DBN1: variants seen among roughly 807,000 people sequenced by gnomAD.
DBN1 encodes the protein drebrin 1.
Under a neutral mutation model 83.5 loss-of-function variants are expected in DBN1, and 21 were observed. That is an observed-to-expected ratio of 0.25 (90% CI 0.18 to 0.36). The LOEUF (loss-of-function observed/expected upper bound fraction) is 0.36. Among genes scored for constraint, DBN1 ranks in the 10% least tolerant of loss-of-function variants. DBN1 has a pLI of 1.00. For synonymous variants in DBN1, 381 were observed against 384.9 expected (o/e 0.99, Z 0.12); for missense variants, 874 against 935.7 (o/e 0.93, Z 0.86).
Position 177,466,844 on chromosome 5 carries a change from A to G in DBN1, c.708-9T>C. The stretch of plus-strand genomic sequence containing the variant: ...AAGTCTGCTGTTTCCTCCTGGAACG[A>G]TAAGCAGCCAGCACCCGTCAGGGTG... On this transcript the variant is annotated splice_polypyrimidine_tract_variant and intron_variant, in intron 7 of 14. Transcript: ENST00000393565. The surrounding 1 kb of genome is among the most constrained non-coding windows in gnomAD (Gnocchi z 4.8). 1 of 1,614,074 alleles carries G rather than the reference A, an allele frequency of 6.2e-7. No homozygotes were observed. The highest frequency in any genetic ancestry group is 1.1e-5 in the South Asian group (1 of 91,084).
At chr5:177,472,081 T>A in intron 1 of DBN1, 1 of 1,588,230 alleles carries the variant, frequency 6.3e-7, no homozygotes, top group East Asian at 2.3e-5. Context: ...GTGGGCCGCC[T>A]GCCTGCTGAG....
rs1323546576 is a variant in DBN1, at chr5:177,466,350, G to C, written c.771+422C>G. Among the ~76,000 whole-genome samples the C allele has an allele frequency of 1.3e-5, 2 of 152,244 alleles. No individual in the cohort carries two copies. Among genetic ancestry groups the C allele is most frequent in the African/African-American group, 4.8e-5 (2 of 41,466 alleles). On this transcript the variant is annotated intron_variant, in intron 8 of 14. Transcript: ENST00000393565. This position sits in a 1 kb window ranked among gnomAD's most constrained non-coding sequence, Gnocchi z 4.8. ...CCCTGGAACAAAGGGGCTGCTCCCA[G>C]GGAGATGCTGCTCCCAAGGAGATGG...
rs1213919161 is a variant in DBN1, at chr5:177,466,174, T to C, written c.771+598A>G. ...CAGATGAGTATCAACCCACCTCCCT[T>C]CCTGAACTGAGCCATGCTCAGTCCT... On this transcript the variant is annotated intron_variant, in intron 8 of 14. Transcript: ENST00000393565. The surrounding 1 kb of genome is among the most constrained non-coding windows in gnomAD (Gnocchi z 4.8). Among the ~76,000 whole-genome samples the C allele has an allele frequency of 1.3e-5, 2 of 152,172 alleles. No individual in the cohort carries two copies. The highest frequency in any genetic ancestry group is 2.9e-5 in the Non-Finnish European group (2 of 68,018).
In DBN1 at chr5:177,458,676, A is replaced by G; in HGVS notation, c.1296T>C (p.Ser432=). ...ETQEPSPILD[S]EETRAAAPQA... is the part of the protein sequence containing the mutation. ...GAGGGGCTGCTGCTCTGGTCTCCTC[A>G]CTGTCTAGGATGGGGCTGGGCTCCT... Residue 432 remains serine, a synonymous_variant, in exon 13 of 15, where the codon AGT becomes AGC. Coordinates refer to ENST00000393565, the MANE Select transcript of DBN1 (RefSeq NM_001363541.2). The G allele has an allele frequency of 6.4e-7, 1 of 1,560,792 alleles. No homozygotes were observed. Among genetic ancestry groups the G allele is most frequent in the Non-Finnish European group, 8.6e-7 (1 of 1,157,298 alleles).
rs1484137641 is a variant in DBN1, at chr5:177,458,384, C to G, written c.1588G>C (p.Glu530Gln). 2 of 1,613,916 alleles carry G rather than the reference C, an allele frequency of 1.2e-6. No homozygotes were observed. Among genetic ancestry groups the G allele is most frequent in the Non-Finnish European group, 1.7e-6 (2 of 1,179,954 alleles). The change falls in exon 13 of 15, where the codon GAA (glutamate) becomes CAA (glutamine). Residue 530 changes from glutamate (E) to glutamine (Q), a missense_variant. Transcript: ENST00000393565. ...SLIDLWPGNG[E>Q]GASTLQGEPR... ...TCACCCTGGAGTGTGGAGGCCCCTT[C>G]CCCGTTGCCAGGCCATAGGTCAATG...
In DBN1 at chr5:177,457,078, C is replaced by T. The variant is rs768309990; in HGVS notation, c.*355G>A. On this transcript the variant is annotated 3_prime_UTR_variant, in exon 15 of 15. Transcript: ENST00000393565. ...GGGGACATTTTCCCACCAGAGCTCC[C>T]CCCACGCCAGGCCCCAAGCAGGGTG... The T allele has an allele frequency of 6.4e-6, 2 of 311,708 alleles. No individual in the cohort carries two copies. Among genetic ancestry groups the T allele is most frequent in the Non-Finnish European group, 1.2e-5 (2 of 166,222 alleles). The allele number at this position is 311,708 out of a possible 1,614,324, so 19.3% of individuals were successfully genotyped here.
At chr5:177,465,995 C>A (rs1011609589) in intron 8 of DBN1, among the ~76,000 whole-genome samples, 17 of 152,284 alleles carry the variant, frequency 1.1e-4, no homozygotes, top group African/African-American at 3.6e-4. Context: ...AGCCACACAT[C>A]ATCCCCACCC....
chr5:177,468,503 T>TTTTTTAATGA, intron 2 of DBN1: 9 of 501,556 alleles, frequency 1.8e-5, no homozygotes, highest in Admixed American at 1.0e-4. Context: ...TCATCATGTC[T>TTTTTTAATGA]CACCAGGTGC....
At chr5:177,457,572 G>A (rs1253745960) in intron 14 of DBN1, 69 bp from the exon 15 acceptor site, 1 of 1,537,898 alleles carries the variant, frequency 6.5e-7, no homozygotes, top group Non-Finnish European at 9.0e-7. Context: ...CTCTGTGAGC[G>A]GTGGGTAGTG....
chr5:177,472,314 C>T, intron 1 of DBN1: 3 of 1,540,962 alleles, frequency 1.9e-6, no homozygotes. Flanking sequence ...ACCTGCCCTC[C>T]TCTTTGCCTC....
At position 177,467,800 on chromosome 5, in the gene DBN1, A is replaced by C; in HGVS notation, c.273T>G (p.Pro91=). The C allele has an allele frequency of 6.4e-7, 1 of 1,559,400 alleles. No individual in the cohort carries two copies. The highest frequency in any genetic ancestry group is 8.7e-7 in the Non-Finnish European group (1 of 1,151,830). ...TGGCACAAGCGCACTTGCGGGCATC[A>C]GGCACATCTTCGCCCACCTGCAAAG... ...VLINWVGEDV[P]DARKCACASH... The change falls in exon 4 of 15, where the codon CCT becomes CCG. Residue 91 remains proline (P), a synonymous_variant. Transcript: ENST00000393565. The surrounding 1 kb of genome is among the most constrained non-coding windows in gnomAD (Gnocchi z 9.1).
chr5:177,458,762 A>C, intron 12 of DBN1, 55 bp from the exon 13 acceptor site: 1 of 1,409,010 alleles, frequency 7.1e-7, no homozygotes, highest in South Asian at 1.5e-5. Context: ...GGGAGGATGG[A>C]GACCCTGCCC....
chr5:177,463,863 A>G (rs1757218788), intron 8 of DBN1, among the ~76,000 whole-genome samples: 1 of 152,136 alleles, frequency 6.6e-6, no homozygotes, highest in African/African-American at 2.4e-5. Context: ...GGCTGGGTGC[A>G]GTGCACTTTG....
At chr5:177,459,323 G>A in intron 11 of DBN1, 55 bp from the exon 12 acceptor site, 2 of 1,580,384 alleles carry the variant, frequency 1.3e-6, no homozygotes, top group South Asian at 2.2e-5. Context: ...GGTGAGACAG[G>A]ATTGTCCACC....
At chr5:177,464,185 C>T (rs971337033) in intron 8 of DBN1, among the ~76,000 whole-genome samples, 19 of 150,360 alleles carry the variant, frequency 1.3e-4, no homozygotes, top group African/African-American at 2.0e-4. Flanking sequence ...CGGTGGCTCA[C>T]GCCTGTAATT....
chr5:177,468,029 C>T (rs28557366), intron 3 of DBN1, 79 bp downstream of exon 3: 141,666 of 628,022 alleles, frequency 0.23, 19,506 homozygotes, highest in Middle Eastern at 0.31. Flanking sequence ...CCTCAGCCCC[C>T]TTCCCCAGCC....
Position 177,457,686 on chromosome 5 carries a change from A to C in DBN1, c.1986T>G (p.Ala662=). The C allele has an allele frequency of 6.2e-7, 1 of 1,608,768 alleles. No homozygotes were observed. Among genetic ancestry groups the C allele is most frequent in the Non-Finnish European group, 8.5e-7 (1 of 1,175,614 alleles). ...GCTTGTTGTAGAACACAGGAGGCGGAGCCTTGGCACAGAGCTCTTCCGATT... is the reference window on the plus strand; with the variant it reads ...GCTTGTTGTAGAACACAGGAGGCGGCGCCTTGGCACAGAGCTCTTCCGATT... ...FAQSEELCAK[A]PPPVFYNKPP... is the part of the protein sequence containing the mutation. The change falls in exon 14 of 15, where the codon GCT becomes GCG. Residue 662 remains alanine (A), a synonymous_variant. Transcript: ENST00000393565.
chr5:177,472,873 G>T, intron 1 of DBN1: 1 of 985,616 alleles, frequency 1.0e-6, no homozygotes, highest in Non-Finnish European at 1.2e-6. Flanking sequence ...CAGGTTTCGG[G>T]GGGAGGGCGG....
chr5:177,472,951 C>T (rs1172413847), intron 1 of DBN1: 1 of 560,736 alleles, frequency 1.8e-6, no homozygotes, highest in South Asian at 7.7e-5. Flanking sequence ...CTCCCCCGCC[C>T]TCGCTTTCCT....
Sources: allele counts gnomAD v4.1 joint callset (sites outside exome capture counted in the v4.1 genomes callset), GRCh38; gene constraint gnomAD v4.1.1; non-coding constraint Gnocchi (gnomAD v3.1); transcripts MANE v1.5; gene names NCBI Gene and HGNC (gene_info 2026-07-23, HGNC 2026-07-21).